RIMKLB: variants seen among roughly 807,000 people sequenced by gnomAD.
The protein encoded by RIMKLB is beta-citrylglutamate synthase B.
RIMKLB carries 7 observed loss-of-function variants against 32.0 expected under a neutral mutation model. That is an observed-to-expected ratio of 0.22 (90% CI 0.12 to 0.41). The LOEUF (loss-of-function observed/expected upper bound fraction) is 0.41. Among genes scored for constraint, RIMKLB ranks in the 10% least tolerant of loss-of-function variants. The pLI is 1.00. For missense variants in RIMKLB, 289 were observed against 498.7 expected (o/e 0.58, Z 4.00); for synonymous variants, 172 against 185.1 (o/e 0.93, Z 0.57).
downstream of RIMKLB, among the ~76,000 whole-genome samples, chr12:8,778,265 A>G (rs1298076710): frequency 6.6e-6 from 1 of 152,186 alleles, no homozygotes; most frequent in Non-Finnish European, 1.5e-5. Context: ...TCTAGGTTAT[A>G]TATATGGTAA....
intron 2 of RIMKLB, among the ~76,000 whole-genome samples, chr12:8,719,421 T>C (rs1565572976): frequency 6.6e-6 from 1 of 152,218 alleles, no homozygotes; most frequent in Non-Finnish European, 1.5e-5. Context: ...CAGGCTAGAC[T>C]GCAATGGTGC....
chr12:8,709,308 G>A (rs1043977474), intron 1 of RIMKLB, among the ~76,000 whole-genome samples: 1 of 152,156 alleles, frequency 6.6e-6, no homozygotes, highest in Non-Finnish European at 1.5e-5. Context: ...TAGATTTACT[G>A]GAATCCTTTT....
chr12:8,678,709 T>TA (rs1163795559), upstream of RIMKLB: 1 of 152,386 alleles, frequency 6.6e-6, no homozygotes, highest in African/African-American at 2.4e-5. Flanking sequence ...CCAGAGGCCC[T>TA]AACTTCTGGA....
At chr12:8,697,721 C>G (rs745698152), upstream of RIMKLB, 6 of 262,970 alleles carry the variant, frequency 2.3e-5, no homozygotes, top group South Asian at 1.6e-4. Context: ...TCTCTTCCCC[C>G]GAGGCCAGCG....
intron 5 of RIMKLB, among the ~76,000 whole-genome samples, chr12:8,756,659 T>C (rs1366063960): frequency 2.0e-5 from 3 of 151,330 alleles, no homozygotes; most frequent in Non-Finnish European, 2.9e-5. Context: ...TTGAAAGATA[T>C]TGGTTATATT....
At chr12:8,711,825 T>G (rs747394632) in intron 1 of RIMKLB, among the ~76,000 whole-genome samples, 31 of 152,274 alleles carry the variant, frequency 2.0e-4, no homozygotes, top group Non-Finnish European at 1.8e-4. Context: ...GGCTATAACT[T>G]TTTTCTAATG....
At chr12:8,743,157 C>CTAAACTCAGG (rs1947731090) in intron 2 of RIMKLB, 1 of 151,726 alleles carries the variant, frequency 6.6e-6, no homozygotes, top group Non-Finnish European at 1.5e-5. Flanking sequence ...AGTTGGAGAC[C>CTAAACTCAGG]AGCCTGGCCA....
chr12:8,736,939 G>A (rs1268688180), intron 2 of RIMKLB, among the ~76,000 whole-genome samples: 1 of 152,260 alleles, frequency 6.6e-6, no homozygotes, highest in East Asian at 1.9e-4. Context: ...AGCCTCTCAA[G>A]TAGCTGGGAT....
At chr12:8,761,486 C>T (rs971501550) in intron 5 of RIMKLB, among the ~76,000 whole-genome samples, 9 of 152,032 alleles carry the variant, frequency 5.9e-5, no homozygotes, top group Non-Finnish European at 1.0e-4. Flanking sequence ...GATTGTCGCT[C>T]CCTGCTCAAA....
At chr12:8,778,350 C>T (rs1031297866), downstream of RIMKLB, among the ~76,000 whole-genome samples, 8 of 152,008 alleles carry the variant, frequency 5.3e-5, no homozygotes, top group Non-Finnish European at 1.2e-4. Flanking sequence ...AATAGTAAGA[C>T]GAAGATAATA....
At chr12:8,777,467 C>A, downstream of RIMKLB, 1 of 1,111,342 alleles carries the variant, frequency 9.0e-7, no homozygotes, top group Non-Finnish European at 1.1e-6. Flanking sequence ...CTGCCTAACT[C>A]TAGTGAAAAT....
chr12:8,699,785 G>A (rs1019059453), intron 1 of RIMKLB: 1 of 152,076 alleles, frequency 6.6e-6, no homozygotes, highest in African/African-American at 2.4e-5. Flanking sequence ...CCCCTACCAG[G>A]TGCTGGAGTC....
chr12:8,718,685 G>A (rs1231092243), intron 2 of RIMKLB, among the ~76,000 whole-genome samples: 1 of 151,046 alleles, frequency 6.6e-6, no homozygotes, highest in African/African-American at 2.4e-5. Flanking sequence ...GTGTGTGTGT[G>A]TGTGTGTGTG....
intron 5 of RIMKLB, among the ~76,000 whole-genome samples, chr12:8,762,788 A>G (rs1236670178): frequency 6.6e-6 from 1 of 152,150 alleles, no homozygotes; most frequent in African/African-American, 2.4e-5. Flanking sequence ...ATCACTGAGC[A>G]CTGCGTACCC....
intron 2 of RIMKLB, among the ~76,000 whole-genome samples, chr12:8,732,574 T>C (rs1946636971): frequency 6.6e-6 from 1 of 152,196 alleles, no homozygotes; most frequent in South Asian, 2.1e-4. Flanking sequence ...TTCAGAATCT[T>C]AGCATTCAGA....
chr12:8,711,569 G>T (rs1944381052), intron 1 of RIMKLB, among the ~76,000 whole-genome samples: 2 of 151,848 alleles, frequency 1.3e-5, no homozygotes, highest in African/African-American at 4.8e-5. Flanking sequence ...TGCACAATGT[G>T]CAGGTTAGTT....
the RIMKLB span, among the ~76,000 whole-genome samples, chr12:8,672,584 G>A: frequency 1.3e-5 from 2 of 151,452 alleles, no homozygotes; most frequent in Admixed American, 6.6e-5. Context: ...TCACTACCAC[G>A]AGAATAGCAT....
chr12:8,705,855 A>C (rs751220104), intron 1 of RIMKLB, among the ~76,000 whole-genome samples: 1 of 152,142 alleles, frequency 6.6e-6, no homozygotes, highest in South Asian at 2.1e-4. Context: ...GAGTCTGTCT[A>C]TAAGTCCTGA....
intron 5 of RIMKLB, among the ~76,000 whole-genome samples, chr12:8,756,244 CTGG>C: frequency 6.6e-6 from 1 of 152,100 alleles, no homozygotes; most frequent in African/African-American, 2.4e-5. Context: ...TTGCTTGAGC[CTGG>C]GCGGTCGAGG....
Sources: gnomAD v4.1 joint callset for allele counts (sites outside exome capture counted in the v4.1 genomes callset) on GRCh38, gnomAD v4.1.1 for gene constraint, MANE v1.5 for transcripts, NCBI Gene and HGNC (gene_info 2026-07-23, HGNC 2026-07-21) for gene names.